Variants in DAB1 observed in about 807,000 individuals in gnomAD.
DAB1 encodes DAB adaptor protein 1, also known as disabled homolog 1.
In DAB1, 15 loss-of-function variants were observed where a neutral mutation model predicts 64.6. That is an observed-to-expected ratio of 0.23 (90% CI 0.16 to 0.36). The LOEUF is 0.36. DAB1 is among the 10% of genes least tolerant of loss of function. The pLI is 1.00. For missense variants in DAB1, 596 were observed against 706.7 expected (o/e 0.84, Z 1.78); for synonymous variants, 235 against 251.9 (o/e 0.93, Z 0.64).
At chr1:58,300,613 A>AAAGAAAGAAAGAAAGAAAGAAG (rs1557726080) in intron 4 of DAB1, among the ~76,000 whole-genome samples, 6 of 38,224 alleles carry the variant, frequency 1.6e-4, no homozygotes, top group African/African-American at 5.2e-4. Context: ...AGAAAGAAAG[A>AAAGAAAGAAAGAAAGAAAGAAG]GAGAGAGAGA....
intron 2 of DAB1, among the ~76,000 whole-genome samples, chr1:57,187,132 C>T (rs756587350): frequency 6.6e-6 from 1 of 152,250 alleles, no homozygotes. Flanking sequence ...GAAGTACATA[C>T]CTTCTGTGAT....
downstream of DAB1, among the ~76,000 whole-genome samples, chr1:57,825,850 A>T (rs999774319): frequency 6.6e-6 from 1 of 152,126 alleles, no homozygotes; most frequent in Non-Finnish European, 1.5e-5. Flanking sequence ...TCATGAGGAA[A>T]GGGTAAAGAA....
chr1:58,283,132 C>T (rs1485944921), intron 4 of DAB1, among the ~76,000 whole-genome samples: 1 of 151,772 alleles, frequency 6.6e-6, no homozygotes, highest in Non-Finnish European at 1.5e-5. Flanking sequence ...GGAGTCCTTC[C>T]CCACCCCCCA....
At chr1:57,547,832 G>A (rs1038243594) in intron 7 of DAB1, among the ~76,000 whole-genome samples, 14 of 152,106 alleles carry the variant, frequency 9.2e-5, no homozygotes, top group African/African-American at 3.4e-4. Context: ...GAGTACATGG[G>A]AATTCTCTGT....
chr1:57,021,366 A>G (rs1468948168), intron 11 of DAB1, among the ~76,000 whole-genome samples: 1 of 152,146 alleles, frequency 6.6e-6, no homozygotes, highest in Non-Finnish European at 1.5e-5. Flanking sequence ...ACCCAGTGAT[A>G]TGGTTTGGCT....
intron 6 of DAB1, among the ~76,000 whole-genome samples, chr1:57,704,191 A>G (rs986727946): frequency 6.6e-6 from 1 of 152,200 alleles, no homozygotes; most frequent in African/African-American, 2.4e-5. Context: ...ACTTAAAATA[A>G]AAGTTAAAAA....
intron 5 of DAB1, among the ~76,000 whole-genome samples, chr1:57,953,237 C>T (rs909033955): frequency 6.6e-6 from 1 of 152,128 alleles, no homozygotes; most frequent in Non-Finnish European, 1.5e-5. Context: ...TACAAGTCCT[C>T]GTGTCAAATA....
chr1:57,397,941 T>C (rs1310292674), intron 1 of DAB1, among the ~76,000 whole-genome samples: 2 of 152,238 alleles, frequency 1.3e-5, no homozygotes, highest in African/African-American at 4.8e-5. Context: ...TTCTCATGTA[T>C]AAAGATCAGT....
At chr1:58,408,055 C>A (rs971769705) in intron 3 of DAB1, among the ~76,000 whole-genome samples, 4 of 152,158 alleles carry the variant, frequency 2.6e-5, no homozygotes, top group Non-Finnish European at 5.9e-5. Flanking sequence ...GGACCAGCAG[C>A]CTCAGCATCG....
At chr1:58,034,665 A>G (rs1481287026) in intron 5 of DAB1, among the ~76,000 whole-genome samples, 1 of 152,230 alleles carries the variant, frequency 6.6e-6, no homozygotes, top group African/African-American at 2.4e-5. Flanking sequence ...TAGTTCTAGT[A>G]GCAGTTAGCT....
chr1:57,741,363 C>A (rs1380265283), intron 6 of DAB1, among the ~76,000 whole-genome samples: 3 of 152,150 alleles, frequency 2.0e-5, no homozygotes, highest in Non-Finnish European at 4.4e-5. Flanking sequence ...AATAATCCTG[C>A]GGTAGGTACT....
chr1:57,187,146 C>A lies in DAB1; in HGVS notation c.68-41717G>T, dbSNP rs76302432. 6.0e-3 allele frequency among the ~76,000 whole-genome samples: 917 copies of A among 152,282 alleles called. 10 individuals carry two copies. The highest frequency in any genetic ancestry group is 0.021 in the African/African-American group (852 of 41,556). ...TGAAGTACATACCTTCTGTGATTCCCTAGGCCAATTTGTTTTTTATAAACA... is the reference window on the plus strand; with the variant it reads ...TGAAGTACATACCTTCTGTGATTCCATAGGCCAATTTGTTTTTTATAAACA... On this transcript the variant is annotated intron_variant, in intron 2 of 14. Transcript: ENST00000371236.
At chr1:58,094,674 A>C (rs1053599014) in intron 5 of DAB1, among the ~76,000 whole-genome samples, 1 of 152,262 alleles carries the variant, frequency 6.6e-6, no homozygotes. Context: ...GTAAATGTTC[A>C]AGAAATGGTC....
At chr1:57,472,513 G>A (rs1005038295) in intron 7 of DAB1, among the ~76,000 whole-genome samples, 6 of 152,288 alleles carry the variant, frequency 3.9e-5, no homozygotes, top group South Asian at 2.1e-4. Context: ...TGATCTAATC[G>A]GTTATGTTAT....
At position 57,529,937 on chromosome 1, in the gene DAB1, T is replaced by C. The variant is rs182161998; in HGVS notation, n.625+119655A>G. ...AGCATCTATTCATTCAATACACATT[T>C]ATCAAGTGCTTACTAGATATATGAG... On this transcript the variant is annotated intron_variant and non_coding_transcript_variant, in intron 7 of 20. Coordinates refer to the DAB1 transcript ENST00000485760. 2.6e-5 allele frequency among the ~76,000 whole-genome samples: 4 copies of C among 152,234 alleles called. No individual in the cohort carries two copies. The East Asian group carries it at 5.8e-4, about 22-fold the overall frequency.
At position 57,129,953 on chromosome 1, in the gene DAB1, C is replaced by T. The variant is rs148362027; in HGVS notation, c.306+6590G>A. The stretch of plus-strand genomic sequence containing the variant: ...CCCTGAATGCCTTCCCTTTTACCTT[C>T]AGTGACCGATTAGCATCTGTGTCAC... On this transcript the variant is annotated intron_variant, in intron 4 of 14. Transcript: ENST00000371236. 3.0e-3 allele frequency among the ~76,000 whole-genome samples: 452 copies of T among 152,098 alleles called. 3 individuals carry two copies. The highest frequency in any genetic ancestry group is 0.01 in the African/African-American group (429 of 41,512).
intron 5 of DAB1, among the ~76,000 whole-genome samples, chr1:58,089,145 G>A (rs147820094): frequency 4.6e-5 from 7 of 152,152 alleles, no homozygotes; most frequent in Non-Finnish European, 4.4e-5. Context: ...CCATATCTAA[G>A]GAAAAACACT....
At chr1:57,984,439 G>A (rs950364205) in intron 5 of DAB1, among the ~76,000 whole-genome samples, 2 of 152,108 alleles carry the variant, frequency 1.3e-5, no homozygotes, top group African/African-American at 4.8e-5. Flanking sequence ...GGCACTCTAG[G>A]AGGAAGGCTG....
At chr1:58,500,573 TTGAA>T (rs1645890187) in intron 3 of DAB1, among the ~76,000 whole-genome samples, 1 of 152,200 alleles carries the variant, frequency 6.6e-6, no homozygotes, top group African/African-American at 2.4e-5. Flanking sequence ...TATCTAAAAA[TTGAA>T]TGAAGTGAAT....
Sources: allele counts gnomAD v4.1 joint callset (sites outside exome capture counted in the v4.1 genomes callset), GRCh38; gene constraint gnomAD v4.1.1; transcripts MANE v1.5; gene names NCBI Gene and HGNC (gene_info 2026-07-23, HGNC 2026-07-21).